RGS7: variants seen among roughly 807,000 people sequenced by gnomAD.
RGS7 encodes the protein regulator of G-protein signaling 7.
Under a neutral mutation model 81.1 loss-of-function variants are expected in RGS7, and 27 were observed. The ratio of observed to expected loss-of-function variants is 0.33; its 90% CI spans 0.25 to 0.46. The LOEUF (loss-of-function observed/expected upper bound fraction) is 0.46, where lower values mean the gene tolerates loss of function less well. Ranked by LOEUF, RGS7 falls within the 20% of genes least tolerant of loss-of-function variation. The pLI is 1.00. For missense variants in RGS7, 396 were observed against 607.4 expected, an observed-to-expected ratio of 0.65 and a Z score of 3.66; for synonymous variants, 208 against 207.7, an observed-to-expected ratio of 1.00 and a Z score of -0.01.
At chr1:241,235,671 TCTCTCTTTCTTTCTCTCTC>T (rs2075914525) in intron 2 of RGS7, among the ~76,000 whole-genome samples, 1 of 78,256 alleles carries the variant, frequency 1.3e-5, no homozygotes, top group Non-Finnish European at 2.8e-5. Flanking sequence ...TCTCTTTCTC[TCTCTCTTTCTTTCTCTCTC>T]TCTTTCTCTC....
chr1:240,907,008 T>G (rs1670929296), intron 6 of RGS7, among the ~76,000 whole-genome samples: 1 of 152,238 alleles, frequency 6.6e-6, no homozygotes. Context: ...AACTTTTTAG[T>G]GTATTCTAAA....
chr1:241,051,672 A>C (rs2061258960), intron 3 of RGS7, among the ~76,000 whole-genome samples: 1 of 152,090 alleles, frequency 6.6e-6, no homozygotes, highest in Non-Finnish European at 1.5e-5. Context: ...AACTTGAAGT[A>C]CAAAAACTAA....
chr1:240,852,490 T>C (rs754433702), intron 9 of RGS7, among the ~76,000 whole-genome samples: 8 of 152,192 alleles, frequency 5.3e-5, no homozygotes, highest in Non-Finnish European at 1.2e-4. Flanking sequence ...CCCAAATATC[T>C]CCAAGGTATG....
intron 2 of RGS7, 27 bp downstream of exon 2, chr1:241,355,670 GTT>G: frequency 1.9e-6 from 3 of 1,602,178 alleles, no homozygotes; most frequent in Non-Finnish European, 2.6e-6. Context: ...GAAGTTTCCC[GTT>G]TTCCAAGAAA....
At chr1:241,128,495 G>C (rs147689552) in intron 2 of RGS7, among the ~76,000 whole-genome samples, 1 of 151,274 alleles carries the variant, frequency 6.6e-6, no homozygotes, top group African/African-American at 2.4e-5. Flanking sequence ...GCTGAGGCTC[G>C]AGAAACGCTT....
At chr1:241,334,229 C>G (rs910215991) in intron 2 of RGS7, among the ~76,000 whole-genome samples, 3 of 152,088 alleles carry the variant, frequency 2.0e-5, no homozygotes, top group African/African-American at 7.2e-5. Context: ...TTATGAAGAT[C>G]GTGGTTAACT....
chr1:241,319,491 A>G (rs1167254296), intron 2 of RGS7, among the ~76,000 whole-genome samples: 1 of 152,148 alleles, frequency 6.6e-6, no homozygotes, highest in Non-Finnish European at 1.5e-5. Flanking sequence ...ATGATTGTGA[A>G]ATACTCCTGG....
At chr1:241,233,638 T>C (rs560282622) in intron 2 of RGS7, among the ~76,000 whole-genome samples, 53 of 152,338 alleles carry the variant, frequency 3.5e-4, no homozygotes, top group Middle Eastern at 6.8e-3. Flanking sequence ...CTTTCACCCA[T>C]TGATGAACAC....
At chr1:241,230,416 G>A (rs1334211643) in intron 2 of RGS7, among the ~76,000 whole-genome samples, 1 of 152,096 alleles carries the variant, frequency 6.6e-6, no homozygotes, top group East Asian at 1.9e-4. Flanking sequence ...GTTTCGCCAT[G>A]TTAGTCAGTC....
intron 3 of RGS7, among the ~76,000 whole-genome samples, chr1:241,012,638 T>C (rs114842207): frequency 0.013 from 2,014 of 152,244 alleles, 38 homozygotes; most frequent in African/African-American, 0.046. Context: ...TTGGCATATT[T>C]CAAGATGGCT....
At chr1:240,872,474 A>G (rs147734880) in intron 6 of RGS7, among the ~76,000 whole-genome samples, 29 of 152,268 alleles carry the variant, frequency 1.9e-4, no homozygotes, top group African/African-American at 6.7e-4. Context: ...AAAATAAAAT[A>G]AAATAAGAAA....
chr1:241,057,610 T>C (rs899317702), intron 3 of RGS7, among the ~76,000 whole-genome samples: 5 of 152,162 alleles, frequency 3.3e-5, no homozygotes, highest in African/African-American at 1.2e-4. Flanking sequence ...TGTTCCTATT[T>C]ATCTCTGAGA....
intron 3 of RGS7, among the ~76,000 whole-genome samples, chr1:241,087,964 CTCTCTCTCTCTCTA>C (rs2063554649): frequency 1.2e-5 from 1 of 85,820 alleles, no homozygotes; most frequent in African/African-American, 4.4e-5. Flanking sequence ...CTCTCTCTCT[CTCTCTCTCTCTCTA>C]TATATATATA....
At chr1:241,248,116 T>C (rs1018305021) in intron 2 of RGS7, among the ~76,000 whole-genome samples, 2 of 152,164 alleles carry the variant, frequency 1.3e-5, no homozygotes, top group African/African-American at 4.8e-5. Flanking sequence ...ATTAGGTGCA[T>C]AAACATTTAG....
At chr1:240,960,689 C>G (rs1558527521) in intron 4 of RGS7, among the ~76,000 whole-genome samples, 1 of 151,722 alleles carries the variant, frequency 6.6e-6, no homozygotes, top group Non-Finnish European at 1.5e-5. Flanking sequence ...CATTCCTTAA[C>G]CTATGTACAG....
At chr1:241,285,008 C>G in intron 2 of RGS7, among the ~76,000 whole-genome samples, 1 of 152,014 alleles carries the variant, frequency 6.6e-6, no homozygotes, top group Admixed American at 6.5e-5. Flanking sequence ...GTAGCTGAGA[C>G]TACAGGCACC....
chr1:241,169,502 C>G (rs531377296), intron 2 of RGS7, among the ~76,000 whole-genome samples: 1 of 151,860 alleles, frequency 6.6e-6, no homozygotes, highest in South Asian at 2.1e-4. Context: ...ACCACCACAC[C>G]CGGCTAATTT....
intron 3 of RGS7, among the ~76,000 whole-genome samples, chr1:241,006,112 G>T (rs2058678315): frequency 6.7e-6 from 1 of 149,540 alleles, no homozygotes; most frequent in African/African-American, 2.5e-5. Flanking sequence ...TTAAAAGTTA[G>T]AAGGTTAGGA....
rs183856490 is a variant in RGS7 at position 241,269,079 on chromosome 1, G to A, written c.78+86620C>T. 2.6e-5 allele frequency among the ~76,000 whole-genome samples: 4 copies of A among 152,328 alleles called. No homozygotes were observed. In the East Asian group the frequency reaches 7.7e-4, roughly 29 times the overall value. The stretch of plus-strand genomic sequence containing the variant: ...GAGATTCTGATTAATTATACAGAGT[G>A]ATATTGATCACTTATATCATTTTTT... On this transcript the variant is annotated intron_variant, in intron 2 of 18. Transcript: ENST00000440928.
Sources: allele counts gnomAD v4.1 joint callset (sites outside exome capture counted in the v4.1 genomes callset), GRCh38; gene constraint gnomAD v4.1.1; transcripts MANE v1.5; gene names NCBI Gene and HGNC (gene_info 2026-07-23, HGNC 2026-07-21).